The following CSMD1 variants were observed in gnomAD, a reference collection of about 807,000 sequenced individuals.
CSMD1 encodes CUB and Sushi multiple domains 1.
Under a neutral mutation model 417.5 loss-of-function variants are expected in CSMD1, and 213 were observed. The observed-to-expected ratio is 0.51, with a 90% CI of 0.46 to 0.57. The LOEUF is 0.57. Among genes scored for constraint, CSMD1 ranks in the 20% least tolerant of loss-of-function variants. CSMD1 has a pLI of 0.00. For missense variants in CSMD1, 6,923 were observed against 4,529.7 expected, an observed-to-expected ratio of 1.53 and a Z score of -15.17; for synonymous variants, 2,862 against 1,736.8, an observed-to-expected ratio of 1.65 and a Z score of -16.11.
chr8:4,763,718 T>C (rs967474440), intron 1 of CSMD1, among the ~76,000 whole-genome samples: 1 of 152,176 alleles, frequency 6.6e-6, no homozygotes. Context: ...AAGCAGAAAA[T>C]ATGCAATGTA....
At chr8:4,917,857 T>A (rs998594041) in intron 1 of CSMD1, among the ~76,000 whole-genome samples, 3 of 152,064 alleles carry the variant, frequency 2.0e-5, no homozygotes, top group Non-Finnish European at 4.4e-5. Context: ...CCAAAGACTG[T>A]AACATTTGAG....
intron 23 of CSMD1, among the ~76,000 whole-genome samples, chr8:3,337,552 T>A (rs1000006962): frequency 1.3e-5 from 2 of 152,180 alleles, no homozygotes; most frequent in Non-Finnish European, 2.9e-5. Flanking sequence ...CGGTAAGCGA[T>A]GGCCACTCTT....
At chr8:4,058,250 A>G (rs567705569) in intron 3 of CSMD1, among the ~76,000 whole-genome samples, 2 of 152,042 alleles carry the variant, frequency 1.3e-5, no homozygotes, top group Non-Finnish European at 2.9e-5. Flanking sequence ...GGTCCTTCAC[A>G]TCCCTTGTAA....
chr8:4,295,303 T>TATATAATCTTAAGATTATGCAC (rs199620751), intron 3 of CSMD1, among the ~76,000 whole-genome samples: 2 of 103,310 alleles, frequency 1.9e-5, no homozygotes, highest in African/African-American at 6.3e-5. Flanking sequence ...TAAGATTATC[T>TATATAATCTTAAGATTATGCAC]ATATAATCTT....
intron 12 of CSMD1, among the ~76,000 whole-genome samples, chr8:3,425,613 A>G (rs1409264841): frequency 1.3e-5 from 2 of 150,226 alleles, no homozygotes; most frequent in Non-Finnish European, 3.0e-5. Context: ...AAGAAGAAAG[A>G]AAAAAGGAAA....
At chr8:4,221,964 C>T (rs1044801440) in intron 3 of CSMD1, among the ~76,000 whole-genome samples, 11 of 152,136 alleles carry the variant, frequency 7.2e-5, no homozygotes, top group African/African-American at 2.4e-4. Context: ...GCACATCCAT[C>T]TGCAATGGAG....
chr8:3,717,099 A>G (rs1254204854), intron 6 of CSMD1, among the ~76,000 whole-genome samples: 1 of 152,176 alleles, frequency 6.6e-6, no homozygotes, highest in Non-Finnish European at 1.5e-5. Flanking sequence ...CCATATCTCA[A>G]CAGTCTGCTT....
At chr8:4,417,932 T>C (rs1038426592) in intron 3 of CSMD1, among the ~76,000 whole-genome samples, 21 of 152,098 alleles carry the variant, frequency 1.4e-4, no homozygotes, top group Non-Finnish European at 2.6e-4. Context: ...GCAATAAATA[T>C]TGCTATAAAA....
chr8:3,163,014 C>G (rs1203285073), intron 37 of CSMD1, among the ~76,000 whole-genome samples: 2 of 152,156 alleles, frequency 1.3e-5, no homozygotes, highest in East Asian at 3.9e-4. Flanking sequence ...ACAAGATATG[C>G]AGCTACCATA....
At chr8:4,185,428 G>A (rs1037407093) in intron 3 of CSMD1, among the ~76,000 whole-genome samples, 2 of 152,052 alleles carry the variant, frequency 1.3e-5, no homozygotes, top group African/African-American at 4.8e-5. Context: ...ACACGTGTGA[G>A]CTTGATAAAT....
At chr8:3,312,498 G>C (rs1805427521) in intron 23 of CSMD1, among the ~76,000 whole-genome samples, 1 of 152,118 alleles carries the variant, frequency 6.6e-6, no homozygotes, top group Admixed American at 6.6e-5. Context: ...CCATTCTAGA[G>C]ATCAGTTTTC....
chr8:3,749,019 C>T (rs1797190887), intron 6 of CSMD1, among the ~76,000 whole-genome samples: 1 of 152,148 alleles, frequency 6.6e-6, no homozygotes, highest in Non-Finnish European at 1.5e-5. Context: ...ATTTTATAAA[C>T]AGCCGGGTAA....
At chr8:3,939,015 T>A (rs147771981) in intron 5 of CSMD1, among the ~76,000 whole-genome samples, 2 of 152,198 alleles carry the variant, frequency 1.3e-5, no homozygotes, top group East Asian at 3.9e-4. Flanking sequence ...ATTACATGTA[T>A]AGTGAAATGG....
At chr8:3,008,386 G>T (rs982888292) in intron 52 of CSMD1, among the ~76,000 whole-genome samples, 4 of 152,196 alleles carry the variant, frequency 2.6e-5, no homozygotes, top group African/African-American at 9.7e-5. Context: ...TTAGACCAGG[G>T]GAGGCTGCAC....
intron 41 of CSMD1, chr8:3,128,461 G>C (rs745404187): frequency 3.3e-5 from 7 of 212,800 alleles, no homozygotes; most frequent in Non-Finnish European, 5.7e-5. Context: ...AAGGTGTACA[G>C]CACAGACATC....
rs539868880 is a variant in CSMD1, at chr8:3,763,078, G to A, written c.819-9036C>T. Among the ~76,000 whole-genome samples, 7 of 152,148 alleles carry A rather than the reference G, an allele frequency of 4.6e-5. No homozygotes were observed. The East Asian group carries it at 5.8e-4, about 13-fold the overall frequency. On this transcript the variant is annotated intron_variant, in intron 5 of 69. Coordinates refer to ENST00000635120, the MANE Select transcript of CSMD1 (RefSeq NM_033225.6). The stretch of plus-strand genomic sequence containing the variant: ...AGATTGAAGCCTGTCCTATTCTCAC[G>A]GTCTCTCTGGCACGTAACAGAGTGC...
At chr8:2,965,582 T>C (rs1322780679) in intron 59 of CSMD1, among the ~76,000 whole-genome samples, 193 bp downstream of exon 59, 1 of 152,198 alleles carries the variant, frequency 6.6e-6, no homozygotes, top group African/African-American at 2.4e-5. Context: ...TACCTCGCTA[T>C]GAGTTAGTTT....
In CSMD1 at chr8:3,524,940, AT is replaced by A. The variant is rs556132321; in HGVS notation, c.1345-31215del. ...TGGTATCATGAAATGTAAAAAAAAA[AT>A]GTTTCTAAAAAGCACACTGTACACT... On this transcript the variant is annotated intron_variant, in intron 10 of 69. Transcript: ENST00000635120. Among the ~76,000 whole-genome samples, 651 of 152,288 alleles carry A rather than the reference AT, an allele frequency of 4.3e-3. 4 individuals carry two copies. Among genetic ancestry groups the A allele is most frequent in the African/African-American group, 0.015 (614 of 41,532 alleles).
At chr8:4,645,681 A>G (rs1015763191) in intron 1 of CSMD1, among the ~76,000 whole-genome samples, 1 of 152,266 alleles carries the variant, frequency 6.6e-6, no homozygotes, top group Admixed American at 6.5e-5. Flanking sequence ...AAAAGAAAAA[A>G]GATGATTATT....
Sources: allele counts gnomAD v4.1 joint callset (sites outside exome capture counted in the v4.1 genomes callset), GRCh38; gene constraint gnomAD v4.1.1; transcripts MANE v1.5; gene names NCBI Gene and HGNC (gene_info 2026-07-23, HGNC 2026-07-21).